SPAG16: variants seen among roughly 807,000 people sequenced by gnomAD.
SPAG16 encodes the protein sperm associated antigen 16, also known as sperm-associated antigen 16 protein.
SPAG16 carries 86 observed loss-of-function variants against 80.4 expected under a neutral mutation model. That is an observed-to-expected ratio of 1.07 (90% CI 0.90 to 1.28). The LOEUF is 1.28. Ranked by LOEUF, SPAG16 falls within the 50% of genes most tolerant of loss-of-function variation. SPAG16 has a pLI of 0.00. For missense variants in SPAG16, 870 were observed against 765.3 expected, an observed-to-expected ratio of 1.14 and a Z score of -1.61; for synonymous variants, 294 against 265.9, an observed-to-expected ratio of 1.11 and a Z score of -1.03.
intron 15 of SPAG16, among the ~76,000 whole-genome samples, chr2:214,335,744 T>C (rs1330377510): frequency 1.4e-5 from 2 of 146,268 alleles, no homozygotes; most frequent in African/African-American, 2.5e-5. Context: ...TATTATTTTA[T>C]TATTAGGATT....
At chr2:213,907,419 G>A (rs1202550936) in intron 11 of SPAG16, among the ~76,000 whole-genome samples, 2 of 150,924 alleles carry the variant, frequency 1.3e-5, no homozygotes, top group South Asian at 2.1e-4. Flanking sequence ...ATTTATACAT[G>A]ATCAATGTGA....
intron 5 of SPAG16, among the ~76,000 whole-genome samples, chr2:213,332,320 C>T (rs767002217): frequency 3.3e-5 from 5 of 152,052 alleles, no homozygotes; most frequent in Non-Finnish European, 5.9e-5. Flanking sequence ...TAGATACAAG[C>T]TACCAGAATT....
intron 15 of SPAG16, among the ~76,000 whole-genome samples, chr2:214,233,356 G>A (rs1191431695): frequency 6.6e-6 from 1 of 151,262 alleles, no homozygotes; most frequent in Non-Finnish European, 1.5e-5. Context: ...TGATGATGAT[G>A]ATGATGATGA....
chr2:213,531,884 A>G (rs1269096614), intron 10 of SPAG16, among the ~76,000 whole-genome samples: 1 of 152,134 alleles, frequency 6.6e-6, no homozygotes, highest in Admixed American at 6.5e-5. Flanking sequence ...TCTTACAATC[A>G]GTGAACCATC....
rs539495646 is a variant in SPAG16, at chr2:214,144,675, A to G, written c.1594-4465A>G. ...GACAACAGAATATTATATATATTCT[A>G]TTGTTCAGCCTTCAGGAATCACTGA... On this transcript the variant is annotated intron_variant, in intron 14 of 15. Coordinates refer to ENST00000331683, the MANE Select transcript of SPAG16 (RefSeq NM_024532.5). 7.1e-4 allele frequency among the ~76,000 whole-genome samples: 108 copies of G among 152,216 alleles called. No homozygotes were observed. The South Asian group carries it at 0.016, about 22-fold the overall frequency.
intron 15 of SPAG16, among the ~76,000 whole-genome samples, chr2:214,163,189 T>C (rs1374911340): frequency 1.3e-5 from 2 of 151,644 alleles, no homozygotes; most frequent in East Asian, 1.9e-4. Context: ...TTATACATTC[T>C]TGATCTTTTT....
chr2:213,375,041 A>G lies in SPAG16; in HGVS notation c.864A>G (p.Pro288=). Residue 288 remains proline, a synonymous_variant, in exon 9 of 16, where the codon CCA becomes CCG. Coordinates refer to ENST00000331683, the MANE Select transcript of SPAG16 (RefSeq NM_024532.5). The stretch of plus-strand genomic sequence containing the variant: ...ATAGTCGTGAAAAAGAAAATGCACC[A>G]GAAGGTCCTACTCAGAAAGGTCTTC... The part of the protein sequence containing the change: ...VDHSREKENA[P]EGPTQKGLRE... The G allele has an allele frequency of 1.9e-6, 3 of 1,608,738 alleles. No homozygotes were observed. Among genetic ancestry groups the G allele is most frequent in the South Asian group, 1.1e-5 (1 of 90,012 alleles).
chr2:213,495,045 G>A (rs2125750505), intron 10 of SPAG16, among the ~76,000 whole-genome samples: 1 of 152,258 alleles, frequency 6.6e-6, no homozygotes, highest in Non-Finnish European at 1.5e-5. Context: ...GTCACTTTCA[G>A]TCCTTTCATT....
chr2:213,378,538 A>G (rs1004564751), intron 9 of SPAG16, among the ~76,000 whole-genome samples: 1 of 151,984 alleles, frequency 6.6e-6, no homozygotes, highest in African/African-American at 2.4e-5. Flanking sequence ...GTAAATCCTT[A>G]TATCACATGA....
At chr2:214,251,588 C>A (rs1318077599) in intron 15 of SPAG16, among the ~76,000 whole-genome samples, 2 of 152,034 alleles carry the variant, frequency 1.3e-5, no homozygotes, top group Non-Finnish European at 2.9e-5. Flanking sequence ...GATCAGTTAG[C>A]AAATTCATTT....
intron 10 of SPAG16, among the ~76,000 whole-genome samples, chr2:213,710,404 G>GT (rs1559397996): frequency 2.0e-5 from 3 of 151,958 alleles, no homozygotes; most frequent in Non-Finnish European, 4.4e-5. Flanking sequence ...ATAACTAAGC[G>GT]TAAGGTATCT....
chr2:214,185,849 T>A (rs528526203), intron 15 of SPAG16, among the ~76,000 whole-genome samples: 151 of 152,268 alleles, frequency 9.9e-4, no homozygotes, highest in African/African-American at 3.5e-3. Flanking sequence ...CAACAAGATA[T>A]GCCCTTTTAG....
chr2:214,201,117 C>T (rs1358461664), intron 15 of SPAG16, among the ~76,000 whole-genome samples: 1 of 152,114 alleles, frequency 6.6e-6, no homozygotes, highest in Non-Finnish European at 1.5e-5. Flanking sequence ...GCAAAAATAA[C>T]TGTAAATGTC....
At chr2:213,833,576 T>A (rs181647726) in intron 10 of SPAG16, among the ~76,000 whole-genome samples, 1,240 of 19,982 alleles carry the variant, frequency 0.062, 413 homozygotes, top group East Asian at 0.14. Flanking sequence ...AATATATATA[T>A]AATATATATA....
At chr2:214,077,361 CAT>C (rs768853368) in intron 13 of SPAG16, among the ~76,000 whole-genome samples, 7 of 152,148 alleles carry the variant, frequency 4.6e-5, no homozygotes, top group African/African-American at 9.7e-5. Flanking sequence ...CTTCTAAACA[CAT>C]GTTTAAAAAA....
At chr2:213,459,470 A>T (rs1432576397) in intron 9 of SPAG16, among the ~76,000 whole-genome samples, 1 of 152,190 alleles carries the variant, frequency 6.6e-6, no homozygotes, top group East Asian at 1.9e-4. Flanking sequence ...GGTGATTGAG[A>T]TGATTCAAAG....
intron 10 of SPAG16, among the ~76,000 whole-genome samples, chr2:213,807,034 C>A (rs2071810932): frequency 6.6e-6 from 1 of 152,154 alleles, no homozygotes; most frequent in African/African-American, 2.4e-5. Context: ...TACTTCCTTA[C>A]ATCCCACTGA....
intron 13 of SPAG16, among the ~76,000 whole-genome samples, chr2:214,102,446 G>A (rs930230758): frequency 2.0e-5 from 3 of 151,956 alleles, no homozygotes; most frequent in South Asian, 4.2e-4. Flanking sequence ...TCTCATTCAT[G>A]GACTACCCAA....
chr2:213,304,210 T>C (rs1324422238), intron 3 of SPAG16, among the ~76,000 whole-genome samples: 2 of 152,184 alleles, frequency 1.3e-5, no homozygotes, highest in African/African-American at 4.8e-5. Context: ...TTCTGATCTT[T>C]TGCCCATTTT....
Sources: gnomAD v4.1 joint callset for allele counts (sites outside exome capture counted in the v4.1 genomes callset) on GRCh38, gnomAD v4.1.1 for gene constraint, MANE v1.5 for transcripts, NCBI Gene and HGNC (gene_info 2026-07-23, HGNC 2026-07-21) for gene names.